CHRM3: variants seen among roughly 807,000 people sequenced by gnomAD.
CHRM3 encodes muscarinic acetylcholine receptor M3.
CHRM3 carries 11 observed loss-of-function variants against 41.8 expected under a neutral mutation model. That is an observed-to-expected ratio of 0.26 (90% CI 0.17 to 0.44). The LOEUF is 0.44. Among genes scored for constraint, CHRM3 ranks in the 20% least tolerant of loss-of-function variants. The pLI, the probability that CHRM3 is intolerant of heterozygous loss-of-function variation, is 1.00. For missense variants in CHRM3, 571 were observed against 745.4 expected (o/e 0.77, Z 2.72); for synonymous variants, 297 against 301.4 (o/e 0.99, Z 0.15).
At chr1:239,512,450 T>A (rs1668986172) in intron 2 of CHRM3, among the ~76,000 whole-genome samples, 1 of 152,118 alleles carries the variant, frequency 6.6e-6, no homozygotes, top group Admixed American at 6.5e-5. Flanking sequence ...GGCCTCCAGA[T>A]CCTTTCTCTG....
intron 4 of CHRM3, among the ~76,000 whole-genome samples, chr1:239,658,215 T>A (rs909626873): frequency 1.3e-5 from 2 of 152,216 alleles, no homozygotes; most frequent in Non-Finnish European, 1.5e-5. Context: ...GCGAGTTTAC[T>A]ATCATAAAAC....
At chr1:239,410,298 C>T (rs1226158456) in intron 1 of CHRM3, among the ~76,000 whole-genome samples, 2 of 152,106 alleles carry the variant, frequency 1.3e-5, no homozygotes, top group Non-Finnish European at 2.9e-5. Context: ...CTCATTATTA[C>T]CCCACTAAGG....
chr1:239,474,135 A>G (rs1360539193), intron 1 of CHRM3, among the ~76,000 whole-genome samples: 1 of 152,080 alleles, frequency 6.6e-6, no homozygotes, highest in Non-Finnish European at 1.5e-5. Flanking sequence ...TCAACCATAT[A>G]AAGATATTCA....
chr1:239,481,337 A>C (rs1666838943), intron 1 of CHRM3, among the ~76,000 whole-genome samples: 1 of 152,212 alleles, frequency 6.6e-6, no homozygotes, highest in African/African-American at 2.4e-5. Flanking sequence ...TTTGTGAGTT[A>C]GGGATTTTTT....
chr1:239,468,602 C>G (rs1665898109), intron 1 of CHRM3, among the ~76,000 whole-genome samples: 1 of 152,080 alleles, frequency 6.6e-6, no homozygotes, highest in Non-Finnish European at 1.5e-5. Flanking sequence ...AGATGGTGCA[C>G]TCAAGTATTT....
rs796838831 is a variant in CHRM3, at chr1:239,565,910, CT to C, written c.-313+20182del. Among the ~76,000 whole-genome samples, 639 of 117,428 alleles carry C rather than the reference CT, an allele frequency of 5.4e-3. 1 individual carries two copies. The highest frequency in any genetic ancestry group is 7.5e-3 in the Non-Finnish European group (417 of 55,946). 77.0% of individuals were successfully genotyped at this position (117,428 alleles called of 152,430 possible). A position where few individuals can be genotyped will look rare whatever the true frequency, so the allele number is the denominator to read the frequency against. ...GATTTTCACTGAAAGCATCTTTTTT[CT>C]TTTTTTTTTTTTTTTTTTTTGAGAC... On this transcript the variant is annotated intron_variant, in intron 3 of 6. Transcript: ENST00000676153.
intron 1 of CHRM3, among the ~76,000 whole-genome samples, chr1:239,440,540 T>C (rs932250198): frequency 1.3e-5 from 2 of 152,144 alleles, no homozygotes; most frequent in Non-Finnish European, 2.9e-5. Context: ...TCTTAGACAA[T>C]ATGCATGTAT....
At position 239,648,972 on chromosome 1, in the gene CHRM3, A is replaced by G. The variant is rs182828153; in HGVS notation, c.-250+16686A>G. ...TCACAGTATTTTTGGGTTATGGTAT[A>G]CATACACACCCATCTATATGTGTGT... On this transcript the variant is annotated intron_variant, in intron 4 of 6. Transcript: ENST00000676153. 1.2e-4 allele frequency among the ~76,000 whole-genome samples: 18 copies of G among 152,336 alleles called. No individual in the cohort carries two copies. In the East Asian group the frequency reaches 3.3e-3, roughly 28 times the overall value.
chr1:239,405,502 A>T (rs980088176), intron 1 of CHRM3, among the ~76,000 whole-genome samples: 2 of 152,194 alleles, frequency 1.3e-5, no homozygotes, highest in Non-Finnish European at 2.9e-5. Flanking sequence ...AGATTAGAAT[A>T]GATGGGTGTA....
chr1:239,816,782 G>A (rs751167823), intron 5 of CHRM3, among the ~76,000 whole-genome samples: 5 of 147,180 alleles, frequency 3.4e-5, no homozygotes, highest in Non-Finnish European at 4.5e-5. Flanking sequence ...CCAGGCTGGT[G>A]TGCAGTGGCA....
chr1:239,405,342 T>A (rs1338456222), intron 1 of CHRM3, among the ~76,000 whole-genome samples: 1 of 152,100 alleles, frequency 6.6e-6, no homozygotes, highest in Non-Finnish European at 1.5e-5. Context: ...CTGAATTGTG[T>A]CAGGCAGGGT....
At chr1:239,782,471 T>G (rs614992) in intron 5 of CHRM3, among the ~76,000 whole-genome samples, 128,167 of 151,872 alleles carry the variant, frequency 0.84, 54,253 homozygotes, top group East Asian at 0.87. Context: ...CTCTCGATTA[T>G]GATTTAGTAA....
intron 1 of CHRM3, among the ~76,000 whole-genome samples, chr1:239,430,081 C>T (rs981488285): frequency 6.6e-6 from 1 of 151,660 alleles, no homozygotes; most frequent in Non-Finnish European, 1.5e-5. Context: ...AATTCTCTGC[C>T]TCAGCCTCCT....
intron 5 of CHRM3, chr1:239,727,850 C>T (rs987890639): frequency 1.3e-5 from 2 of 151,970 alleles, no homozygotes; most frequent in Non-Finnish European, 2.9e-5. Context: ...ACCTTAAGCA[C>T]ATGACACCAA....
intron 6 of CHRM3, among the ~76,000 whole-genome samples, chr1:239,839,948 G>T (rs1400194332): frequency 6.6e-6 from 1 of 152,144 alleles, no homozygotes; most frequent in Non-Finnish European, 1.5e-5. Context: ...CCTGGTGCAG[G>T]CTGCATCCAG....
chr1:239,818,166 G>A (rs1030334935), intron 5 of CHRM3, among the ~76,000 whole-genome samples: 4 of 152,212 alleles, frequency 2.6e-5, no homozygotes, highest in African/African-American at 7.2e-5. Flanking sequence ...GTAGATGGCC[G>A]CCTTATCACT....
At chr1:239,677,987 G>A (rs1397881697) in intron 4 of CHRM3, among the ~76,000 whole-genome samples, 199 bp from the exon 5 acceptor site, 1 of 152,128 alleles carries the variant, frequency 6.6e-6, no homozygotes, top group Admixed American at 6.5e-5. Context: ...TGTGGATCGC[G>A]CCCTCAGCGG....
intron 5 of CHRM3, among the ~76,000 whole-genome samples, chr1:239,688,700 T>C (rs1659408986): frequency 7.4e-6 from 1 of 134,276 alleles, no homozygotes; most frequent in Non-Finnish European, 1.5e-5. Flanking sequence ...ATATATAATA[T>C]TATATATAAT....
intron 3 of CHRM3, among the ~76,000 whole-genome samples, chr1:239,580,548 T>C (rs1394798938): frequency 6.6e-6 from 1 of 151,752 alleles, no homozygotes; most frequent in Non-Finnish European, 1.5e-5. Context: ...AAGTGATTGA[T>C]TTGTGGTCCT....
Sources: gnomAD v4.1 joint callset for allele counts (sites outside exome capture counted in the v4.1 genomes callset) on GRCh38, gnomAD v4.1.1 for gene constraint, MANE v1.5 for transcripts, NCBI Gene and HGNC (gene_info 2026-07-23, HGNC 2026-07-21) for gene names.